MGST1: variants seen among roughly 807,000 people sequenced by gnomAD.
The protein encoded by MGST1 is microsomal glutathione S-transferase 1.
MGST1 carries 5 observed loss-of-function variants against 8.9 expected under a neutral mutation model. The ratio of observed to expected loss-of-function variants is 0.56; its 90% CI spans 0.29 to 1.19. The LOEUF (loss-of-function observed/expected upper bound fraction) is 1.19. Among genes scored for constraint, MGST1 ranks in the 50% most tolerant of loss-of-function variants. The pLI is 0.08. For missense variants in MGST1, 182 were observed against 187.4 expected (o/e 0.97, Z 0.17); for synonymous variants, 54 against 67.8 (o/e 0.80, Z 1.00).
intron 4 of MGST1, among the ~76,000 whole-genome samples, chr12:16,583,544 A>G (rs1416679799): frequency 6.6e-6 from 1 of 152,216 alleles, no homozygotes; most frequent in African/African-American, 2.4e-5. Context: ...CTTAGAAGGA[A>G]TAGGAAGACC....
chr12:16,488,512 A>T (rs553217738), intron 4 of MGST1, among the ~76,000 whole-genome samples: 3 of 152,184 alleles, frequency 2.0e-5, no homozygotes, highest in Non-Finnish European at 4.4e-5. Flanking sequence ...GGTAGTTTTC[A>T]AATGTCAGAT....
At chr12:16,418,958 G>A (rs1225183180) in intron 1 of MGST1, among the ~76,000 whole-genome samples, 1 of 151,954 alleles carries the variant, frequency 6.6e-6, no homozygotes, top group Non-Finnish European at 1.5e-5. Flanking sequence ...TATGTTTAGT[G>A]TTTGCGAGTC....
intron 4 of MGST1, among the ~76,000 whole-genome samples, chr12:16,496,495 T>A (rs376987933): frequency 9.9e-5 from 15 of 152,232 alleles, no homozygotes; most frequent in African/African-American, 3.1e-4. Flanking sequence ...AAACTTTTAT[T>A]TTAGATTCAG....
chr12:16,532,392 A>C (rs1304297391), intron 4 of MGST1, among the ~76,000 whole-genome samples: 2 of 152,166 alleles, frequency 1.3e-5, no homozygotes, highest in African/African-American at 4.8e-5. Flanking sequence ...GGGAGTTAAA[A>C]AAATTAACAT....
rs749806288 is a variant in MGST1, at chr12:16,555,171, T to C, written n.483-34357T>C. Among the ~76,000 whole-genome samples, 1 of 152,238 alleles carries C rather than the reference T, an allele frequency of 6.6e-6. No homozygotes were observed. The highest frequency in any genetic ancestry group is 1.5e-5 in the Non-Finnish European group (1 of 68,050). Reference sequence around the variant, plus strand: ...ATACTTTATCAGAATTTGCTATCATTATTATTTGGTAATGATAATCTTTTC... The same window carrying C: ...ATACTTTATCAGAATTTGCTATCATCATTATTTGGTAATGATAATCTTTTC... On this transcript the variant is annotated intron_variant and non_coding_transcript_variant, in intron 4 of 4. Transcript: ENST00000538857. The surrounding 1 kb of genome is among the most constrained non-coding windows in gnomAD (Gnocchi z 5.5).
chr12:16,419,091 C>G (rs1367494837), intron 1 of MGST1, among the ~76,000 whole-genome samples: 1 of 152,194 alleles, frequency 6.6e-6, no homozygotes, highest in African/African-American at 2.4e-5. Flanking sequence ...GGAGCCACTT[C>G]TCTTCAAGAT....
chr12:16,401,362 A>G lies in MGST1; in HGVS notation n.778+17758A>G. The G allele has an allele frequency of 3.3e-6, 4 of 1,209,826 alleles. No homozygotes were observed. The highest frequency in any genetic ancestry group is 1.2e-5 in the South Asian group (1 of 82,878). The allele number at this position is 1,209,826 out of a possible 1,614,324, so 74.9% of individuals were successfully genotyped here. On this transcript the variant is annotated intron_variant and non_coding_transcript_variant, in intron 1 of 1. Coordinates refer to the MGST1 transcript ENST00000359720. This position sits in a 1 kb window ranked among gnomAD's most constrained non-coding sequence, Gnocchi z 4.3. ...TACTAGGAAGCTTTCATGGAATTCA[A>G]TTCCCACCCCAAATCCTAGGTTTCT...
rs999222670 is a variant in MGST1, at chr12:16,576,263, G to C, written n.483-13265G>C. Among the ~76,000 whole-genome samples, 3 of 152,056 alleles carry C rather than the reference G, an allele frequency of 2.0e-5. No individual in the cohort carries two copies. The highest frequency in any genetic ancestry group is 4.4e-5 in the Non-Finnish European group (3 of 68,014). ...CTACTGTATGCAGGATAGATGCAGG[G>C]AAGCATGAAAGGTCCATCCTGTCTG... On this transcript the variant is annotated intron_variant and non_coding_transcript_variant, in intron 4 of 4. Transcript: ENST00000538857. The surrounding 1 kb of genome is among the most constrained non-coding windows in gnomAD (Gnocchi z 4.1).
chr12:16,505,414 T>C (rs1305046907), intron 4 of MGST1, among the ~76,000 whole-genome samples: 1 of 152,194 alleles, frequency 6.6e-6, no homozygotes, highest in African/African-American at 2.4e-5. Flanking sequence ...TGTCAGGTTC[T>C]TAGCCCTCCC....
intron 4 of MGST1, among the ~76,000 whole-genome samples, chr12:16,512,977 A>AT (rs1941586141): frequency 6.6e-6 from 1 of 152,198 alleles, no homozygotes; most frequent in Non-Finnish European, 1.5e-5. Context: ...AACTAGATAT[A>AT]TCCCCAACCG....
chr12:16,557,873 G>GA (rs1206800841), intron 4 of MGST1, among the ~76,000 whole-genome samples: 2 of 151,982 alleles, frequency 1.3e-5, no homozygotes, highest in African/African-American at 2.4e-5. Flanking sequence ...GCTGAAATCT[G>GA]AATCTCTTCT....
In MGST1 at chr12:16,503,711, C is replaced by T. The variant is rs1941519841; in HGVS notation, n.483-85817C>T. ...AGACATGTCCAACAGTGTGCCGGGT[C>T]AGTTTATCATTGCCGTGGTAACACC... On this transcript the variant is annotated intron_variant and non_coding_transcript_variant, in intron 4 of 4. Transcript: ENST00000538857. The surrounding 1 kb of genome is among the most constrained non-coding windows in gnomAD (Gnocchi z 4.8). Among the ~76,000 whole-genome samples, 1 of 152,158 alleles carries T rather than the reference C, an allele frequency of 6.6e-6. No individual in the cohort carries two copies. The highest frequency in any genetic ancestry group is 2.1e-4 in the South Asian group (1 of 4,826).
intron 4 of MGST1, among the ~76,000 whole-genome samples, chr12:16,515,933 C>G (rs1422119087): frequency 6.6e-6 from 1 of 152,138 alleles, no homozygotes. Flanking sequence ...CAGGCTTCAC[C>G]CATTGGAAAG....
chr12:16,591,616 TG>T (rs1943497653), downstream of MGST1, among the ~76,000 whole-genome samples: 1 of 152,014 alleles, frequency 6.6e-6, no homozygotes, highest in Non-Finnish European at 1.5e-5. This position sits in a 1 kb window ranked among gnomAD's most constrained non-coding sequence, Gnocchi z 4.1. Context: ...AAAATGGGAA[TG>T]GGGATGATTG....
At chr12:16,571,266 T>A (rs1942804735) in intron 4 of MGST1, among the ~76,000 whole-genome samples, 1 of 152,122 alleles carries the variant, frequency 6.6e-6, no homozygotes, top group African/African-American at 2.4e-5. Flanking sequence ...GATATTACGT[T>A]ACAAAGGCAT....
rs56181101 is a variant in MGST1, at chr12:16,446,220, T to C, written n.482+62616T>C. Among the ~76,000 whole-genome samples the C allele has an allele frequency of 4.5e-3, 682 of 152,076 alleles. 4 individuals are homozygous for C. The highest frequency in any genetic ancestry group is 5.8e-3 in the Non-Finnish European group (392 of 67,898). The stretch of plus-strand genomic sequence containing the variant: ...GACCAATAGCAATATCTGGATATTC[T>C]GCTTTGCCCAGTGTAGAATTATCCA... On this transcript the variant is annotated intron_variant and non_coding_transcript_variant, in intron 4 of 4. Transcript: ENST00000538857.
At chr12:16,472,636 T>G (rs570571537) in intron 4 of MGST1, among the ~76,000 whole-genome samples, 9 of 152,328 alleles carry the variant, frequency 5.9e-5, no homozygotes, top group African/African-American at 1.9e-4. Flanking sequence ...TGTTAGTATC[T>G]TCGGAGATAT....
At chr12:16,349,600 C>T (rs977365101) in intron 1 of MGST1, among the ~76,000 whole-genome samples, 7 of 152,166 alleles carry the variant, frequency 4.6e-5, no homozygotes, top group Non-Finnish European at 8.8e-5. Flanking sequence ...ATTATTTGCT[C>T]TACCTCAGGA....
At chr12:16,418,145 G>T (rs747732096) in intron 1 of MGST1, among the ~76,000 whole-genome samples, 70 of 152,252 alleles carry the variant, frequency 4.6e-4, no homozygotes, top group African/African-American at 1.6e-3. Flanking sequence ...TGGGCCCCGA[G>T]TTTTATGTGT....
Sources: gnomAD v4.1 joint callset for allele counts (sites outside exome capture counted in the v4.1 genomes callset) on GRCh38, gnomAD v4.1.1 for gene constraint, Gnocchi (gnomAD v3.1) non-coding constraint, MANE v1.5 for transcripts, NCBI Gene and HGNC (gene_info 2026-07-23, HGNC 2026-07-21) for gene names.